Variants in TMEM131L observed in about 807,000 individuals in gnomAD.
TMEM131L encodes the protein transmembrane 131 like, also known as transmembrane protein 131-like.
TMEM131L carries 54 observed loss-of-function variants against 192.2 expected under a neutral mutation model. The ratio of observed to expected loss-of-function variants is 0.28; its 90% confidence interval spans 0.23 to 0.35. The LOEUF (loss-of-function observed/expected upper bound fraction) is 0.35, where lower values mean the gene tolerates loss of function less well. TMEM131L is among the 10% of genes least tolerant of loss of function. The pLI, the probability that TMEM131L is intolerant of heterozygous loss-of-function variation, is 1.00. For synonymous variants in TMEM131L, 701 were observed against 704.9 expected (o/e 0.99, Z 0.09); for missense variants, 1,888 against 1,972.9 (o/e 0.96, Z 0.82).
At chr4:153,565,717 G>C (rs1266961169) in intron 7 of TMEM131L, among the ~76,000 whole-genome samples, 1 of 148,468 alleles carries the variant, frequency 6.7e-6, no homozygotes, top group Non-Finnish European at 1.5e-5. Flanking sequence ...CCCAACAGTA[G>C]AAAAAGAATT....
Position 153,482,441 on chromosome 4 carries a change from T to A in TMEM131L, c.239+8553T>A, listed in dbSNP as rs1207284292. On this transcript the variant is annotated intron_variant, in intron 3 of 34. Transcript: ENST00000409959. ...ATTCAAGCCACAGAAACCTTTTTTT[T>A]AGGTGAAAAAATTGTGAAATTTTTA... 2.6e-5 allele frequency among the ~76,000 whole-genome samples: 4 copies of A among 152,316 alleles called. No homozygotes were observed. The East Asian group carries it at 7.7e-4, about 29-fold the overall frequency.
chr4:153,587,936 T>C (rs1307021216), intron 15 of TMEM131L, 125 bp downstream of exon 15: 1 of 753,058 alleles, frequency 1.3e-6, no homozygotes, highest in Non-Finnish European at 2.4e-6. Context: ...ATAGAGAGGA[T>C]GATCATTAAC....
Position 153,593,814 on chromosome 4 carries a change from G to A in TMEM131L, c.1938G>A (p.Met646Ile). 6.2e-7 allele frequency: 1 copy of A among 1,612,220 alleles called. No homozygotes were observed. Among genetic ancestry groups the A allele is most frequent in the Non-Finnish European group, 8.5e-7 (1 of 1,178,354 alleles). The part of the protein sequence containing the change: ...HLLHRWFGTD[M>I]QMINFTTGEF... ...TTCCTTATAGGTTTGGCACTGATAT[G>A]CAGATGATTAATTTCACAACTGGTG... is the stretch of plus-strand genomic sequence containing the variant. The change falls in exon 19 of 35, where the codon ATG (methionine) becomes ATA (isoleucine). Residue 646 changes from methionine to isoleucine, a missense_variant. Physicochemically the swap from Met to Ile is conservative, Grantham distance 10. Coordinates refer to ENST00000409959, the MANE Select transcript of TMEM131L (RefSeq NM_001131007.2).
chr4:153,632,945 C>T, intron 32 of TMEM131L, 107 bp downstream of exon 32: 1 of 1,339,886 alleles, frequency 7.5e-7, no homozygotes, highest in Non-Finnish European at 1.0e-6. Flanking sequence ...GGCTAGGCTT[C>T]TTCCTTGGTG....
At chr4:153,591,314 A>G in intron 17 of TMEM131L, 120 bp downstream of exon 17, 1 of 887,268 alleles carries the variant, frequency 1.1e-6, no homozygotes, top group Non-Finnish European at 1.6e-6. Flanking sequence ...GGCGATGTCA[A>G]AAGAACTAGA....
chr4:153,482,157 T>G (rs1389604074), intron 3 of TMEM131L, among the ~76,000 whole-genome samples: 1 of 152,198 alleles, frequency 6.6e-6, no homozygotes, highest in Non-Finnish European at 1.5e-5. Flanking sequence ...GCTGTATTTT[T>G]ATACTGAGTT....
At chr4:153,537,537 G>T (rs947553889) in intron 3 of TMEM131L, among the ~76,000 whole-genome samples, 13 of 152,166 alleles carry the variant, frequency 8.5e-5, no homozygotes, top group Admixed American at 8.5e-4. Context: ...TGACCGTATA[G>T]GGTAACATAC....
At chr4:153,583,710 T>A in intron 11 of TMEM131L, 38 bp downstream of exon 11, 1 of 1,206,848 alleles carries the variant, frequency 8.3e-7, no homozygotes, top group South Asian at 1.3e-5. Flanking sequence ...TGACTTTTGT[T>A]ATCTGGTTGT....
At chr4:153,501,056 A>G (rs533061129) in intron 3 of TMEM131L, among the ~76,000 whole-genome samples, 1 of 152,362 alleles carries the variant, frequency 6.6e-6, no homozygotes, top group South Asian at 2.1e-4. Context: ...GAAGATTAAC[A>G]GGGTACGCCA....
intron 15 of TMEM131L, 95 bp from the exon 16 acceptor site, chr4:153,588,795 C>T (rs1441948490): frequency 1.5e-6 from 1 of 688,842 alleles, no homozygotes; most frequent in Non-Finnish European, 2.6e-6. Context: ...ACAGTCCTCT[C>T]AGTTTAAGAA....
chr4:153,473,768 G>A, intron 2 of TMEM131L, 77 bp from the exon 3 acceptor site: 1 of 1,207,018 alleles, frequency 8.3e-7, no homozygotes, highest in Non-Finnish European at 1.2e-6. Flanking sequence ...CTCCAGCCTG[G>A]GTGACAGAGC....
intron 19 of TMEM131L, among the ~76,000 whole-genome samples, chr4:153,594,990 T>A (rs912035686): frequency 6.6e-6 from 1 of 152,310 alleles, no homozygotes; most frequent in East Asian, 1.9e-4. Context: ...ATCTAAATAT[T>A]CTATTTAGAT....
chr4:153,535,710 C>T (rs369281110), intron 3 of TMEM131L, among the ~76,000 whole-genome samples: 1 of 152,240 alleles, frequency 6.6e-6, no homozygotes, highest in South Asian at 2.1e-4. Context: ...AAAAGCACAT[C>T]GTTCTGAACA....
intron 25 of TMEM131L, among the ~76,000 whole-genome samples, chr4:153,605,268 T>A (rs1401613273): frequency 1.3e-5 from 2 of 152,208 alleles, no homozygotes; most frequent in African/African-American, 4.8e-5. Context: ...CTTTAATAGA[T>A]CCCTTTGGCC....
chr4:153,621,901 C>G (rs756129050), intron 28 of TMEM131L, 52 bp downstream of exon 28: 1 of 1,562,780 alleles, frequency 6.4e-7, no homozygotes, highest in African/African-American at 1.4e-5. Context: ...ATTTTTGTTT[C>G]CTCAATGAAG....
rs892775559 is a variant in TMEM131L at position 153,608,957 on chromosome 4, T to C, written c.3419-3295T>C. ...AAACCATTACCACCGTGAAGGGCATTAACATGTGCACCTCCCAACGTCTTC... is the reference window on the plus strand; with the variant it reads ...AAACCATTACCACCGTGAAGGGCATCAACATGTGCACCTCCCAACGTCTTC... On this transcript the variant is annotated intron_variant, in intron 25 of 34. Transcript: ENST00000409959. 2.6e-5 allele frequency among the ~76,000 whole-genome samples: 4 copies of C among 152,172 alleles called. No homozygotes were observed. In the South Asian group the frequency reaches 8.3e-4, roughly 32 times the overall value.
chr4:153,524,822 T>C (rs1735360706), intron 3 of TMEM131L, among the ~76,000 whole-genome samples: 1 of 152,232 alleles, frequency 6.6e-6, no homozygotes, highest in Non-Finnish European at 1.5e-5. Context: ...TTTAGAGGAT[T>C]TGTAGCTGTG....
At chr4:153,627,860 G>A (rs556344254) in intron 31 of TMEM131L, among the ~76,000 whole-genome samples, 173 bp downstream of exon 31, 19 of 152,288 alleles carry the variant, frequency 1.2e-4, no homozygotes, top group South Asian at 1.0e-3. Context: ...CTCTGTGGAC[G>A]GGCATCATTG....
intron 4 of TMEM131L, among the ~76,000 whole-genome samples, chr4:153,554,732 C>CT (rs1276402302): frequency 6.6e-6 from 1 of 152,208 alleles, no homozygotes; most frequent in Non-Finnish European, 1.5e-5. Context: ...GCTATTAAAA[C>CT]TGAAGAAATG....
Sources: allele counts gnomAD v4.1 joint callset (sites outside exome capture counted in the v4.1 genomes callset), GRCh38; gene constraint gnomAD v4.1.1; transcripts MANE v1.5; gene names NCBI Gene and HGNC (gene_info 2026-07-23, HGNC 2026-07-21).